Variants in DMD observed in about 807,000 individuals in gnomAD.
The protein encoded by DMD is dystrophin.
Under a neutral mutation model 330.1 loss-of-function variants are expected in DMD, and 63 were observed. The observed-to-expected ratio is 0.19, with a 90% CI of 0.16 to 0.24. DMD has a LOEUF of 0.24. DMD is among the 10% of genes least tolerant of loss of function. The pLI is 1.00. For missense variants in DMD, 3,344 were observed against 2,684.1 expected (o/e 1.25, Z -5.43); for synonymous variants, 1,223 against 959.8 (o/e 1.27, Z -5.07).
chrX:32,782,664 G>A (rs1265458694), intron 7 of DMD, among the ~76,000 whole-genome samples: 4 of 110,603 alleles, frequency 3.6e-5, no homozygotes, highest in Admixed American at 9.7e-5. Flanking sequence ...CGTATCTGCG[G>A]GTTCTGTATC....
chrX:32,103,502 C>T (rs771718662), intron 44 of DMD, among the ~76,000 whole-genome samples: 4 of 111,470 alleles, frequency 3.6e-5, no homozygotes, highest in African/African-American at 9.8e-5. Flanking sequence ...AATTATAAGC[C>T]GAAGCTCCAC....
At chrX:31,669,196 T>C (rs2081601892) in intron 53 of DMD, among the ~76,000 whole-genome samples, 1 of 112,263 alleles carries the variant, frequency 8.9e-6, no homozygotes, top group Non-Finnish European at 1.9e-5. Context: ...CTGTTCTCCA[T>C]AATGGTTGTA....
intron 2 of DMD, among the ~76,000 whole-genome samples, chrX:32,980,480 C>G (rs1324346240): frequency 2.8e-5 from 3 of 108,333 alleles, no homozygotes; most frequent in Non-Finnish European, 3.8e-5. Context: ...AAATGAACAT[C>G]GTTAGAACTC....
At chrX:32,584,961 A>G (rs1459889328) in intron 13 of DMD, among the ~76,000 whole-genome samples, 3 of 111,859 alleles carry the variant, frequency 2.7e-5, no homozygotes, top group South Asian at 3.7e-4. Context: ...AGAACCATCA[A>G]CAGATAAACA....
intron 55 of DMD, among the ~76,000 whole-genome samples, chrX:31,551,522 A>G (rs1436908299): frequency 8.9e-6 from 1 of 112,221 alleles, no homozygotes; most frequent in Non-Finnish European, 1.9e-5. Context: ...ACTCAAAATG[A>G]CAGCAAAATA....
chrX:31,535,568 A>G (rs1363526461), intron 55 of DMD, among the ~76,000 whole-genome samples: 2 of 105,525 alleles, frequency 1.9e-5, no homozygotes, highest in East Asian at 3.0e-4. Flanking sequence ...CATTCAGGAC[A>G]TAGGCGTGGG....
At chrX:32,387,693 T>C (rs1295989330) in intron 32 of DMD, among the ~76,000 whole-genome samples, 1 of 111,478 alleles carries the variant, frequency 9.0e-6, no homozygotes, top group Admixed American at 9.6e-5. Flanking sequence ...CAGATGATAT[T>C]ATTTACTTCA....
At chrX:32,286,171 T>A (rs1282853384) in intron 43 of DMD, among the ~76,000 whole-genome samples, 2 of 111,313 alleles carry the variant, frequency 1.8e-5, no homozygotes, top group African/African-American at 6.5e-5. Flanking sequence ...AAGGAGCTTG[T>A]GTGGGAGGCA....
At chrX:31,798,890 C>G (rs938455690) in intron 50 of DMD, among the ~76,000 whole-genome samples, 7 of 111,634 alleles carry the variant, frequency 6.3e-5, no homozygotes, top group African/African-American at 2.3e-4. Context: ...GACTTTTTAT[C>G]CCTCTAAATT....
intron 1 of DMD, among the ~76,000 whole-genome samples, chrX:33,113,949 A>T (rs12556755): frequency 8.9e-4 from 98 of 109,500 alleles, no homozygotes; most frequent in Non-Finnish European, 1.6e-3. Flanking sequence ...CTTACCCCTC[A>T]AAATGGTTAA....
chrX:32,733,076 A>C (rs1303655932), intron 7 of DMD, among the ~76,000 whole-genome samples: 3 of 108,202 alleles, frequency 2.8e-5, no homozygotes, highest in African/African-American at 1.0e-4. Flanking sequence ...AGATCTACCA[A>C]GCAAATGGAA....
intron 9 of DMD, among the ~76,000 whole-genome samples, chrX:32,689,999 C>A (rs981931088): frequency 9.2e-6 from 1 of 109,078 alleles, no homozygotes; most frequent in African/African-American, 3.3e-5. Flanking sequence ...ACAGGAGGAA[C>A]AAGGTAAGTA....
intron 9 of DMD, among the ~76,000 whole-genome samples, chrX:32,689,545 A>C (rs1447810190): frequency 9.0e-6 from 1 of 111,385 alleles, no homozygotes; most frequent in African/African-American, 3.3e-5. Context: ...AAGTGGAGGG[A>C]GCACTTCCAA....
intron 49 of DMD, among the ~76,000 whole-genome samples, chrX:31,835,162 T>C (rs1473408092): frequency 8.9e-6 from 1 of 111,773 alleles, no homozygotes; most frequent in African/African-American, 3.3e-5. Context: ...TGGCTTTTAA[T>C]TAAGATCTCT....
At chrX:32,726,256 T>G (rs2066870238) in intron 7 of DMD, among the ~76,000 whole-genome samples, 1 of 111,404 alleles carries the variant, frequency 9.0e-6, no homozygotes, top group South Asian at 3.7e-4. Flanking sequence ...TAAGGTCATA[T>G]TCACAATGTA....
At chrX:31,310,262 T>C (rs2055396645) in intron 62 of DMD, among the ~76,000 whole-genome samples, 2 of 109,189 alleles carry the variant, frequency 1.8e-5, no homozygotes, top group Admixed American at 9.9e-5. Flanking sequence ...TGTGTACATA[T>C]AGATATATGA....
chrX:32,833,473 A>G (rs749454280), intron 4 of DMD, among the ~76,000 whole-genome samples: 5 of 110,572 alleles, frequency 4.5e-5, no homozygotes, highest in Admixed American at 9.8e-5. Context: ...TTCCTTATAT[A>G]GAATATATAT....
intron 13 of DMD, among the ~76,000 whole-genome samples, chrX:32,578,770 G>T (rs761581661): frequency 5.4e-5 from 6 of 111,335 alleles, no homozygotes; most frequent in African/African-American, 2.0e-4. Flanking sequence ...GTTCCCAGGC[G>T]TATATCCACT....
chrX:31,332,202 G>A (rs904954184), intron 61 of DMD, among the ~76,000 whole-genome samples: 2 of 111,741 alleles, frequency 1.8e-5, no homozygotes, highest in African/African-American at 6.5e-5. Context: ...CCTTTAGTCT[G>A]GGGCTCACAA....
Sources: allele counts gnomAD v4.1 joint callset (sites outside exome capture counted in the v4.1 genomes callset), GRCh38; gene constraint gnomAD v4.1.1; transcripts MANE v1.5; gene names NCBI Gene and HGNC (gene_info 2026-07-23, HGNC 2026-07-21).